Variants in MED12L observed in about 807,000 individuals in gnomAD.
MED12L encodes the protein mediator complex subunit 12L, also known as mediator of RNA polymerase II transcription subunit 12-like protein.
MED12L carries 60 observed loss-of-function variants against 281.3 expected under a neutral mutation model. The observed-to-expected ratio is 0.21, with a 90% confidence interval of 0.17 to 0.26. The LOEUF (loss-of-function observed/expected upper bound fraction) is 0.26, where lower values mean the gene tolerates loss of function less well. Among genes scored for constraint, MED12L ranks in the 10% least tolerant of loss-of-function variants. The pLI is 1.00. For synonymous variants in MED12L, 974 were observed against 987.2 expected, an observed-to-expected ratio of 0.99 and a Z score of 0.25; for missense variants, 2,146 against 2,680.9, an observed-to-expected ratio of 0.80 and a Z score of 4.41.
chr3:151,148,253 A>G (rs1165094487), intron 5 of MED12L, among the ~76,000 whole-genome samples: 1 of 151,960 alleles, frequency 6.6e-6, no homozygotes, highest in Non-Finnish European at 1.5e-5. Flanking sequence ...TCTAGATCCA[A>G]CTCCTTTATA....
chr3:151,115,845 G>T (rs1246599324), intron 2 of MED12L, among the ~76,000 whole-genome samples: 4 of 151,500 alleles, frequency 2.6e-5, no homozygotes, highest in Non-Finnish European at 5.9e-5. Flanking sequence ...ATCACTTGAG[G>T]TCAGGAGTTT....
intron 42 of MED12L, among the ~76,000 whole-genome samples, chr3:151,415,406 A>G (rs1013388564): frequency 1.8e-4 from 28 of 152,210 alleles, no homozygotes; most frequent in African/African-American, 6.8e-4. Context: ...AGTCATTGTG[A>G]TTTGGGTCCA....
At chr3:151,294,809 G>C in intron 16 of MED12L, 1 of 1,614,114 alleles carries the variant, frequency 6.2e-7, no homozygotes, top group Non-Finnish European at 8.5e-7. Flanking sequence ...GTCCCCAAAT[G>C]GCTTGACCAC....
chr3:151,173,372 C>G (rs73016801), intron 11 of MED12L, among the ~76,000 whole-genome samples: 11,825 of 152,078 alleles, frequency 0.078, 1,019 homozygotes, highest in African/African-American at 0.21. Flanking sequence ...TCTATTTCTT[C>G]TACTGTTTAT....
chr3:151,212,775 G>T (rs1225462498), intron 16 of MED12L: 1 of 151,478 alleles, frequency 6.6e-6, no homozygotes, highest in South Asian at 2.1e-4. Context: ...GATTGTCTGG[G>T]TGTCAGCTTT....
intron 16 of MED12L, among the ~76,000 whole-genome samples, chr3:151,232,734 C>G (rs2149333614): frequency 6.6e-6 from 1 of 152,218 alleles, no homozygotes; most frequent in South Asian, 2.1e-4. Context: ...GGAGCTAAAT[C>G]ATGAGAACTC....
rs753181389 is a variant in MED12L at position 151,369,461 on chromosome 3, A to G, written c.3576A>G (p.Ser1192=). The change falls in exon 26 of 45, where the codon TCA becomes TCG. Residue 1192 remains serine (S), a synonymous_variant. Coordinates refer to ENST00000687756, the MANE Select transcript of MED12L (RefSeq NM_001393769.1). ...ATGKPFPGIR[S]SCDRHLLAAA... ...GCAAACCTTTCCCTGGAATAAGATCATCTTGTGATAGACACCTCTTAGCCG... is the reference window on the plus strand; with the variant it reads ...GCAAACCTTTCCCTGGAATAAGATCGTCTTGTGATAGACACCTCTTAGCCG... 3 of 1,608,718 alleles carry G rather than the reference A, an allele frequency of 1.9e-6. No homozygotes were observed. Among genetic ancestry groups the G allele is most frequent in the Non-Finnish European group, 2.5e-6 (3 of 1,176,994 alleles).
chr3:151,215,441 T>C (rs1436512293), intron 16 of MED12L, among the ~76,000 whole-genome samples: 11 of 152,176 alleles, frequency 7.2e-5, no homozygotes, highest in Non-Finnish European at 2.9e-5. Flanking sequence ...TTAAATAAAA[T>C]ATATTATTAC....
intron 16 of MED12L, among the ~76,000 whole-genome samples, chr3:151,311,974 A>AGGTTGCG (rs1371825799): frequency 6.6e-6 from 1 of 151,780 alleles, no homozygotes; most frequent in East Asian, 2.0e-4. Context: ...CGGAGGTTGC[A>AGGTTGCG]GAGGTTGCAG....
rs754899124 is a variant in MED12L at position 151,376,791 on chromosome 3, T to G, written c.4054-9T>G. On this transcript the variant is annotated splice_polypyrimidine_tract_variant and intron_variant, in intron 28 of 44. Transcript: ENST00000687756. The stretch of plus-strand genomic sequence containing the variant: ...CCCATAATGTTTTAATTCTTTCCAT[T>G]TTTCCCAGAATCTTGAGCAGTGGAC... 1.2e-6 allele frequency: 2 copies of G among 1,611,944 alleles called. No individual in the cohort carries two copies. The highest frequency in any genetic ancestry group is 2.7e-5 in the African/African-American group (2 of 74,850).
chr3:151,153,909 C>A (rs917458532), intron 5 of MED12L, among the ~76,000 whole-genome samples: 5 of 152,040 alleles, frequency 3.3e-5, no homozygotes, highest in East Asian at 1.9e-4. Flanking sequence ...GGCCTCACTC[C>A]AGACCAATTA....
At position 151,329,070 on chromosome 3, in the gene MED12L, GC is replaced by G. The variant is rs1262810488; in HGVS notation, c.2251-20988del. The G allele has an allele frequency of 1.0e-5, 13 of 1,261,394 alleles. No individual in the cohort carries two copies. In the East Asian group the frequency reaches 3.1e-4, roughly 30 times the overall value. 78.1% of individuals were successfully genotyped at this position (1,261,394 alleles called of 1,614,324 possible). Reference sequence around the variant, plus strand: ...AAAAAGCCCTTCATGATTTTCAAATGCTATTTTTTAAAAACAGACTTTATGT... The same window carrying G: ...AAAAAGCCCTTCATGATTTTCAAATGTATTTTTTAAAAACAGACTTTATGT... On this transcript the variant is annotated intron_variant, in intron 16 of 44. Transcript: ENST00000687756.
At chr3:151,329,148 GAAAA>G (rs1750056841) in intron 16 of MED12L, 1 of 650,644 alleles carries the variant, frequency 1.5e-6, no homozygotes. Flanking sequence ...TAGATGTGTT[GAAAA>G]GGAAAATACT....
intron 11 of MED12L, among the ~76,000 whole-genome samples, chr3:151,181,404 C>T (rs1200492809): frequency 4.6e-5 from 7 of 151,256 alleles, no homozygotes; most frequent in Non-Finnish European, 7.4e-5. Flanking sequence ...AAATCATTGC[C>T]ATGTCTTTCC....
intron 23 of MED12L, among the ~76,000 whole-genome samples, 179 bp from the exon 24 acceptor site, chr3:151,367,467 T>G (rs1755425731): frequency 6.6e-6 from 1 of 152,240 alleles, no homozygotes; most frequent in African/African-American, 2.4e-5. Context: ...TCATTCATTG[T>G]TTTATAAAAT....
At chr3:151,193,846 T>A in intron 16 of MED12L, 180 bp downstream of exon 16, 1 of 479,642 alleles carries the variant, frequency 2.1e-6, no homozygotes, top group Non-Finnish European at 3.6e-6. Context: ...GTTGTCCGAA[T>A]TTGTAGTGAT....
At chr3:151,360,799 C>T (rs999065260) in intron 21 of MED12L, among the ~76,000 whole-genome samples, 194 bp downstream of exon 21, 3 of 152,082 alleles carry the variant, frequency 2.0e-5, no homozygotes, top group African/African-American at 7.2e-5. Context: ...TAGTCTATTA[C>T]ACAATGTAAA....
chr3:151,274,170 A>G lies in MED12L; in HGVS notation c.2251-75889A>G, dbSNP rs372001398. ...TGCCACAAAACCAAAAGATTAAGCA[A>G]TTAATGTGCACTTTGTATTTCAAAT... On this transcript the variant is annotated intron_variant, in intron 16 of 44. Transcript: ENST00000687756. Among the ~76,000 whole-genome samples, 11 of 152,374 alleles carry G rather than the reference A, an allele frequency of 7.2e-5. 1 individual carries two copies. The South Asian group carries it at 2.3e-3, about 32-fold the overall frequency.
In MED12L at chr3:151,182,924, G is replaced by C. The variant is rs576428559; in HGVS notation, c.1495-2406G>C. Among the ~76,000 whole-genome samples, 3 of 152,228 alleles carry C rather than the reference G, an allele frequency of 2.0e-5. No homozygotes were observed. In the South Asian group the frequency reaches 6.2e-4, roughly 32 times the overall value. ...TAACTACTTCCAGGTTTCTGTAAGG[G>C]TAAAATGAGATCATATGTATAAATA... On this transcript the variant is annotated intron_variant, in intron 11 of 44. Transcript: ENST00000687756.
Sources: allele counts gnomAD v4.1 joint callset (sites outside exome capture counted in the v4.1 genomes callset), GRCh38; gene constraint gnomAD v4.1.1; transcripts MANE v1.5; gene names NCBI Gene and HGNC (gene_info 2026-07-23, HGNC 2026-07-21).